RALGAPA2: variants seen among roughly 807,000 people sequenced by gnomAD.
RALGAPA2 encodes Ral GTPase activating protein catalytic subunit alpha 2.
A neutral mutation model predicts 230.4 loss-of-function variants in RALGAPA2; 139 were observed. That is an observed-to-expected ratio of 0.60 (90% CI 0.53 to 0.69). RALGAPA2 has a LOEUF of 0.69. RALGAPA2 is among the 30% of genes least tolerant of loss of function. The pLI, the probability that RALGAPA2 is intolerant of heterozygous loss-of-function variation, is 0.00. For synonymous variants in RALGAPA2, 847 were observed against 837.8 expected, an observed-to-expected ratio of 1.01 and a Z score of -0.19; for missense variants, 2,163 against 2,276.0, an observed-to-expected ratio of 0.95 and a Z score of 1.01.
intron 37 of RALGAPA2, among the ~76,000 whole-genome samples, chr20:20,420,711 A>T (rs1948553032): frequency 6.6e-6 from 1 of 152,174 alleles, no homozygotes; most frequent in Non-Finnish European, 1.5e-5. Context: ...TACTGGGCTC[A>T]CAGATACTTA....
chr20:20,680,628 T>C (rs932664945), intron 2 of RALGAPA2, 63 bp downstream of exon 2: 24 of 1,458,302 alleles, frequency 1.6e-5, no homozygotes, highest in Non-Finnish European at 2.2e-5. Flanking sequence ...TTGTGGCTCA[T>C]GATATATACA....
chr20:20,544,707 C>T (rs1400359572), intron 24 of RALGAPA2, among the ~76,000 whole-genome samples: 3 of 152,144 alleles, frequency 2.0e-5, no homozygotes, highest in Admixed American at 6.5e-5. Context: ...AGAGTAAGTT[C>T]GTGTCCTTTG....
intron 37 of RALGAPA2, among the ~76,000 whole-genome samples, chr20:20,438,797 C>G (rs1036542462): frequency 1.3e-5 from 2 of 152,266 alleles, no homozygotes; most frequent in South Asian, 4.1e-4. Flanking sequence ...GTATTTCCCC[C>G]CAAACAACTA....
chr20:20,455,717 C>G (rs1386575857), intron 37 of RALGAPA2, among the ~76,000 whole-genome samples: 1 of 152,176 alleles, frequency 6.6e-6, no homozygotes, highest in East Asian at 1.9e-4. Flanking sequence ...CTTTTCCCCA[C>G]TAAAAGCTGA....
intron 12 of RALGAPA2, among the ~76,000 whole-genome samples, chr20:20,617,247 G>A (rs1258748578): frequency 2.6e-5 from 4 of 152,058 alleles, no homozygotes; most frequent in East Asian, 1.9e-4. Flanking sequence ...ACAATCTGAC[G>A]AAATTAAAAT....
chr20:20,618,910 T>G (rs1002814227), intron 12 of RALGAPA2, among the ~76,000 whole-genome samples: 1 of 152,230 alleles, frequency 6.6e-6, no homozygotes, highest in African/African-American at 2.4e-5. Flanking sequence ...TATAAGATTT[T>G]ATAATTGCCA....
At chr20:20,417,642 T>G (rs2060192983) in intron 37 of RALGAPA2, among the ~76,000 whole-genome samples, 1 of 152,224 alleles carries the variant, frequency 6.6e-6, no homozygotes, top group African/African-American at 2.4e-5. Context: ...TATGGTTTTT[T>G]GGGACCATGG....
chr20:20,635,581 G>C lies in RALGAPA2; in HGVS notation c.842C>G (p.Thr281Ser). The part of the protein sequence containing the change: ...PHLRPKPVYI[T>S]TTRDNENIYS... ...AATGTTCTCATTGTCTCGAGTGGTA[G>C]TAATGTACACAGGCTTTGGTCTCAA... Residue 281 changes from threonine (T) to serine (S), a missense_variant, in exon 9 of 40, where the codon ACT (threonine) becomes AGT (serine). Coordinates refer to ENST00000202677, the MANE Select transcript of RALGAPA2 (RefSeq NM_020343.4). 4 of 1,579,478 alleles carry C rather than the reference G, an allele frequency of 2.5e-6. No homozygotes were observed. Among genetic ancestry groups the C allele is most frequent in the Non-Finnish European group, 2.6e-6 (3 of 1,168,558 alleles).
rs148232626 is a variant in RALGAPA2, at chr20:20,474,505, G to C, written c.5368-1549C>G. The stretch of plus-strand genomic sequence containing the variant: ...CTGCAAAGGGGAATTATGGAGACTA[G>C]CTGGTGACTACTGAATAAAGCAAGA... On this transcript the variant is annotated intron_variant, in intron 36 of 39. Coordinates refer to ENST00000202677, the MANE Select transcript of RALGAPA2 (RefSeq NM_020343.4). Among the ~76,000 whole-genome samples, 99 of 152,326 alleles carry C rather than the reference G, an allele frequency of 6.5e-4. 1 individual carries two copies. In the East Asian group the frequency reaches 0.018, roughly 28 times the overall value.
intron 23 of RALGAPA2, among the ~76,000 whole-genome samples, chr20:20,571,234 T>A (rs1032347497): frequency 3.3e-5 from 5 of 152,154 alleles, no homozygotes; most frequent in African/African-American, 1.2e-4. Flanking sequence ...AATTAAAATT[T>A]GGTTGGCACA....
chr20:20,530,798 C>T (rs572079483), intron 27 of RALGAPA2, among the ~76,000 whole-genome samples: 18 of 152,236 alleles, frequency 1.2e-4, no homozygotes, highest in African/African-American at 3.1e-4. Flanking sequence ...TGATCCTGCA[C>T]CTCAGTTCCT....
At chr20:20,445,784 T>A (rs760234801) in intron 37 of RALGAPA2, among the ~76,000 whole-genome samples, 1 of 152,188 alleles carries the variant, frequency 6.6e-6, no homozygotes, top group Non-Finnish European at 1.5e-5. Context: ...TTTTTAGAAC[T>A]AGTATGTAAA....
chr20:20,685,920 C>T (rs1173361565), intron 1 of RALGAPA2, among the ~76,000 whole-genome samples: 8 of 152,164 alleles, frequency 5.3e-5, no homozygotes, highest in African/African-American at 1.7e-4. Flanking sequence ...CTCAGGGAAG[C>T]ATGTCCAAAT....
At chr20:20,701,902 C>T (rs560079840) in intron 1 of RALGAPA2, among the ~76,000 whole-genome samples, 4 of 150,424 alleles carry the variant, frequency 2.7e-5, no homozygotes, top group Admixed American at 6.6e-5. Context: ...TAGCCAGGCG[C>T]GGCGGCAGGT....
At chr20:20,647,305 C>CA (rs2067247546) in intron 4 of RALGAPA2, among the ~76,000 whole-genome samples, 1 of 152,162 alleles carries the variant, frequency 6.6e-6, no homozygotes, top group Admixed American at 6.5e-5. Context: ...AGTACACCAT[C>CA]AGCATCAAAC....
At chr20:20,430,729 TAGC>T (rs962380020) in intron 37 of RALGAPA2, among the ~76,000 whole-genome samples, 1 of 152,186 alleles carries the variant, frequency 6.6e-6, no homozygotes, top group African/African-American at 2.4e-5. Context: ...TGTATGTTGA[TAGC>T]AGACACAAGA....
intron 24 of RALGAPA2, among the ~76,000 whole-genome samples, chr20:20,541,055 G>T (rs1239894228): frequency 1.3e-5 from 1 of 75,318 alleles, no homozygotes; most frequent in African/African-American, 5.4e-5. Context: ...AAAGTCAGGA[G>T]AATTTTTTTT....
At chr20:20,501,908 G>A (rs1281153959) in intron 35 of RALGAPA2, among the ~76,000 whole-genome samples, 3 of 152,168 alleles carry the variant, frequency 2.0e-5, no homozygotes, top group South Asian at 4.1e-4. Context: ...ATAGGGGAAC[G>A]GCCGGTGGGT....
intron 31 of RALGAPA2, among the ~76,000 whole-genome samples, chr20:20,517,804 GA>G (rs1206565205): frequency 2.0e-5 from 3 of 147,812 alleles, no homozygotes; most frequent in Non-Finnish European, 3.0e-5. Flanking sequence ...TGAAGAGGGG[GA>G]AAAAAGAAAT....
Sources: allele counts gnomAD v4.1 joint callset (sites outside exome capture counted in the v4.1 genomes callset), GRCh38; gene constraint gnomAD v4.1.1; transcripts MANE v1.5; gene names NCBI Gene and HGNC (gene_info 2026-07-23, HGNC 2026-07-21).